Variants in DACH1 observed in about 807,000 individuals in gnomAD.
The protein encoded by DACH1 is dachshund family transcription factor 1.
DACH1 carries 12 observed loss-of-function variants against 54.2 expected under a neutral mutation model. The ratio of observed to expected loss-of-function variants is 0.22; its 90% confidence interval spans 0.14 to 0.36. DACH1 has a LOEUF of 0.36. DACH1 is among the 10% of genes least tolerant of loss of function. The pLI is 1.00. For synonymous variants in DACH1, 386 were observed against 366.2 expected (o/e 1.05, Z -0.62); for missense variants, 805 against 929.8 (o/e 0.87, Z 1.75).
chr13:71,781,357 T>TATTA (rs1886366782), intron 1 of DACH1, among the ~76,000 whole-genome samples: 1 of 145,732 alleles, frequency 6.9e-6, no homozygotes, highest in Admixed American at 6.9e-5. Flanking sequence ...TTTATTTATT[T>TATTA]ATTTATTTAT....
chr13:71,701,563 T>C lies in DACH1; in HGVS notation c.849-19653A>G, dbSNP rs146634613. On this transcript the variant is annotated intron_variant, in intron 1 of 10. Coordinates refer to ENST00000613252, the MANE Select transcript of DACH1 (RefSeq NM_080759.6). ...ATCAAATAAAAAAGGAAATGGGAGA[T>C]AGTGACAGAACAAAAGGGGGATTGA... 1.6e-3 allele frequency among the ~76,000 whole-genome samples: 246 copies of C among 152,114 alleles called. 2 individuals carry two copies. The highest frequency in any genetic ancestry group is 5.7e-3 in the African/African-American group (235 of 41,494).
At chr13:71,451,052 T>C (rs1301288410) in intron 10 of DACH1, among the ~76,000 whole-genome samples, 1 of 152,146 alleles carries the variant, frequency 6.6e-6, no homozygotes, top group Non-Finnish European at 1.5e-5. Context: ...ATTATGATGA[T>C]GATAATCATC....
chr13:71,461,940 G>A (rs1876110615), intron 10 of DACH1, among the ~76,000 whole-genome samples: 1 of 151,904 alleles, frequency 6.6e-6, no homozygotes, highest in Non-Finnish European at 1.5e-5. Context: ...TGAACTAAAT[G>A]TAAATGTTAA....
At chr13:71,541,480 C>A (rs1272025419) in intron 6 of DACH1, among the ~76,000 whole-genome samples, 1 of 151,972 alleles carries the variant, frequency 6.6e-6, no homozygotes, top group African/African-American at 2.4e-5. Context: ...ATAAAAACAT[C>A]AATTAAAGAA....
At chr13:71,794,769 G>A (rs1886976899) in intron 1 of DACH1, among the ~76,000 whole-genome samples, 1 of 152,140 alleles carries the variant, frequency 6.6e-6, no homozygotes, top group Admixed American at 6.6e-5. Context: ...AATATAGGCA[G>A]AATTCCTTAT....
intron 10 of DACH1, among the ~76,000 whole-genome samples, chr13:71,450,431 C>T (rs571570821): frequency 2.0e-5 from 3 of 152,104 alleles, no homozygotes; most frequent in South Asian, 2.1e-4. Flanking sequence ...ATAAATGTTG[C>T]GTGTGTTCTG....
intron 1 of DACH1, among the ~76,000 whole-genome samples, chr13:71,821,405 A>C (rs1038802585): frequency 1.6e-5 from 1 of 62,394 alleles, no homozygotes; most frequent in Non-Finnish European, 4.6e-5. Context: ...GTCCCTTCTC[A>C]GCTTGATTAT....
At chr13:71,547,621 G>T (rs765364755) in intron 6 of DACH1, among the ~76,000 whole-genome samples, 3 of 152,082 alleles carry the variant, frequency 2.0e-5, no homozygotes, top group Non-Finnish European at 4.4e-5. Flanking sequence ...AGATTAAGTG[G>T]TAGTAAGCAA....
chr13:71,623,641 T>C (rs1216399654), intron 3 of DACH1, among the ~76,000 whole-genome samples: 1 of 151,844 alleles, frequency 6.6e-6, no homozygotes, highest in East Asian at 1.9e-4. Flanking sequence ...AATATCTTTT[T>C]GCCCTTTATC....
At chr13:71,481,263 A>T (rs1878006229) in intron 7 of DACH1, among the ~76,000 whole-genome samples, 1 of 152,190 alleles carries the variant, frequency 6.6e-6, no homozygotes, top group Admixed American at 6.6e-5. Context: ...TAATGTGTTG[A>T]TTGGTTGTAT....
rs914647987 is a variant in DACH1 at position 71,440,086 on chromosome 13, A to G, written c.*569T>C. 4.6e-5 allele frequency: 7 copies of G among 152,136 alleles called. No individual in the cohort carries two copies. The highest frequency in any genetic ancestry group is 1.7e-4 in the African/African-American group (7 of 41,444). 9.4% of individuals were successfully genotyped at this position (152,136 alleles called of 1,614,324 possible). A position where few individuals can be genotyped will look rare whatever the true frequency, so the allele number is the denominator to read the frequency against. On this transcript the variant is annotated 3_prime_UTR_variant, in exon 11 of 11. Transcript: ENST00000613252. ...GTTGGTCTTTTGGAAAGTATGTGAA[A>G]AAAAATTCTTCAGGAGAAAACCCAC...
At chr13:71,850,670 A>G (rs542876124) in intron 1 of DACH1, among the ~76,000 whole-genome samples, 79 of 152,320 alleles carry the variant, frequency 5.2e-4, no homozygotes, top group Non-Finnish European at 9.3e-4. Context: ...TGCTATATAA[A>G]TTGTGAAAAT....
chr13:71,615,018 A>G (rs952633718), intron 3 of DACH1, among the ~76,000 whole-genome samples: 16 of 152,238 alleles, frequency 1.1e-4, no homozygotes, highest in Non-Finnish European at 5.9e-5. Flanking sequence ...AACATAAATC[A>G]TAAAAGTAAA....
chr13:71,596,805 C>G (rs1375616508), intron 3 of DACH1, among the ~76,000 whole-genome samples: 4 of 152,072 alleles, frequency 2.6e-5, no homozygotes, highest in African/African-American at 9.7e-5. Context: ...GGCAGACAAA[C>G]AGCAATTTGA....
chr13:71,818,799 C>T (rs1051941207), intron 1 of DACH1, among the ~76,000 whole-genome samples: 3 of 152,312 alleles, frequency 2.0e-5, no homozygotes, highest in South Asian at 4.1e-4. Context: ...AATAAAGAAG[C>T]TTAGTTTTGA....
chr13:71,728,601 T>C (rs1473607920), intron 1 of DACH1, among the ~76,000 whole-genome samples: 2 of 152,082 alleles, frequency 1.3e-5, no homozygotes, highest in African/African-American at 2.4e-5. Context: ...ATCAGAAGGA[T>C]GAAATCATTA....
At position 71,475,183 on chromosome 13, in the gene DACH1, C is replaced by G; in HGVS notation, c.2041G>C (p.Asp681His). The G allele has an allele frequency of 6.2e-7, 1 of 1,613,974 alleles. No individual in the cohort carries two copies. The highest frequency in any genetic ancestry group is 8.5e-7 in the Non-Finnish European group (1 of 1,179,906). ...NDSLTPEIEA[D>H]RSGGRTDAER... is the part of the protein sequence containing the mutation. ...GCATCTGTTCTGCCGCCACTGCGGTCAGCCTCTATCTCTGGGGTCAGAGAG... is the reference window on the plus strand; with the variant it reads ...GCATCTGTTCTGCCGCCACTGCGGTGAGCCTCTATCTCTGGGGTCAGAGAG... The change falls in exon 10 of 11, where the codon GAC (aspartate) becomes CAC (histidine). Residue 681 changes from aspartate (D) to histidine (H), a missense_variant. Physicochemically the swap from Asp to His is moderately conservative, Grantham distance 81 (BLOSUM62 -1). Around this residue, in one of 3 missense-constraint regions of DACH1, gnomAD observed 472 missense variants for 545.3 expected, o/e 0.87. Coordinates refer to ENST00000613252, the MANE Select transcript of DACH1 (RefSeq NM_080759.6).
At chr13:71,723,437 AGTTAACATG>A (rs1238742033) in intron 1 of DACH1, among the ~76,000 whole-genome samples, 5 of 152,064 alleles carry the variant, frequency 3.3e-5, no homozygotes, top group Non-Finnish European at 7.4e-5. Context: ...AATGTGTCCT[AGTTAACATG>A]GTTAACATGG....
intron 6 of DACH1, among the ~76,000 whole-genome samples, chr13:71,490,484 G>C (rs1415884541): frequency 6.6e-6 from 1 of 152,180 alleles, no homozygotes; most frequent in Non-Finnish European, 1.5e-5. Context: ...TCACACTCAC[G>C]ACTTTGCAGT....
Sources: allele counts gnomAD v4.1 joint callset (sites outside exome capture counted in the v4.1 genomes callset), GRCh38; gene constraint gnomAD v4.1.1; regional missense constraint gnomAD v4.1.1; transcripts MANE v1.5; gene names NCBI Gene and HGNC (gene_info 2026-07-23, HGNC 2026-07-21).